The following WASF3 variants were observed in gnomAD, a reference collection of about 807,000 sequenced individuals.
The protein encoded by WASF3 is WASP family member 3.
In WASF3, 11 loss-of-function variants were observed where a neutral mutation model predicts 46.6. That is an observed-to-expected ratio of 0.24 (90% CI 0.15 to 0.39). WASF3 has a LOEUF of 0.39. Ranked by LOEUF, WASF3 falls within the 10% of genes least tolerant of loss-of-function variation. WASF3 has a pLI of 1.00. For synonymous variants in WASF3, 242 were observed against 259.7 expected (o/e 0.93, Z 0.65); for missense variants, 576 against 669.8 (o/e 0.86, Z 1.55).
At chr13:26,663,604 GA>G (rs1273869040) in intron 3 of WASF3, among the ~76,000 whole-genome samples, 4 of 152,104 alleles carry the variant, frequency 2.6e-5, no homozygotes, top group Admixed American at 2.0e-4. Context: ...CATGTTTATT[GA>G]TTTATTCTTA....
chr13:26,603,512 G>A (rs1173313180), intron 1 of WASF3, among the ~76,000 whole-genome samples: 2 of 152,106 alleles, frequency 1.3e-5, no homozygotes, highest in Non-Finnish European at 2.9e-5. Context: ...AGGATATAAA[G>A]CAACTTTAAG....
intron 1 of WASF3, among the ~76,000 whole-genome samples, chr13:26,601,480 A>G (rs924172630): frequency 1.3e-4 from 20 of 152,102 alleles, no homozygotes; most frequent in Non-Finnish European, 1.5e-5. Context: ...TGGAGTATGG[A>G]TGATGGGGGA....
At chr13:26,546,340 G>A in the WASF3 span, among the ~76,000 whole-genome samples, 228 of 152,022 alleles carry the variant, frequency 1.5e-3, 2 homozygotes, top group East Asian at 0.035. Context: ...CTGCTCTTCT[G>A]TCTTTTCAAA....
At chr13:26,547,124 G>A in the WASF3 span, among the ~76,000 whole-genome samples, 1 of 151,852 alleles carries the variant, frequency 6.6e-6, no homozygotes, top group Admixed American at 6.6e-5. Flanking sequence ...TGAGTTGGCA[G>A]CTAGGAAGCT....
intron 1 of WASF3, among the ~76,000 whole-genome samples, chr13:26,611,517 A>G (rs589514): frequency 0.95 from 145,143 of 152,258 alleles, 69,581 homozygotes; most frequent in East Asian, 1. Flanking sequence ...GTCCTTAGGC[A>G]TAGTTAGCTG....
chr13:26,659,473 C>T (rs1882561671), intron 3 of WASF3, among the ~76,000 whole-genome samples: 2 of 152,034 alleles, frequency 1.3e-5, no homozygotes, highest in Non-Finnish European at 2.9e-5. Flanking sequence ...ATTGGCAAGG[C>T]ATGGAATGGA....
chr13:26,633,393 G>A (rs1384992234), intron 2 of WASF3, among the ~76,000 whole-genome samples: 1 of 151,684 alleles, frequency 6.6e-6, no homozygotes, highest in Admixed American at 6.6e-5. Flanking sequence ...TAGTAGAGGT[G>A]GGGTTTCTCC....
chr13:26,618,824 T>C (rs1426466786), intron 2 of WASF3: 1 of 152,218 alleles, frequency 6.6e-6, no homozygotes, highest in Non-Finnish European at 1.5e-5. Flanking sequence ...CAAAGGACAA[T>C]TTGATGGTTG....
At chr13:26,623,650 G>C (rs1163525316) in intron 2 of WASF3, among the ~76,000 whole-genome samples, 1 of 152,168 alleles carries the variant, frequency 6.6e-6, no homozygotes, top group African/African-American at 2.4e-5. Flanking sequence ...TTGGAGAAGA[G>C]ATGCACAGAT....
intron 2 of WASF3, among the ~76,000 whole-genome samples, chr13:26,633,988 T>G (rs1221796860): frequency 2.6e-5 from 4 of 152,214 alleles, no homozygotes; most frequent in Non-Finnish European, 4.4e-5. Flanking sequence ...TGGAGAGTTC[T>G]GTAGATGTCT....
At chr13:26,628,937 T>A (rs1881563859) in intron 2 of WASF3, among the ~76,000 whole-genome samples, 1 of 152,216 alleles carries the variant, frequency 6.6e-6, no homozygotes, top group Non-Finnish European at 1.5e-5. Flanking sequence ...TGTACTGTGT[T>A]GTGGAGTATG....
chr13:26,648,366 C>T (rs1882212457), intron 3 of WASF3, among the ~76,000 whole-genome samples: 1 of 152,148 alleles, frequency 6.6e-6, no homozygotes, highest in Admixed American at 6.5e-5. Flanking sequence ...CTCCTTAAGA[C>T]ACACATTGTG....
At chr13:26,622,085 A>G (rs564288759) in intron 2 of WASF3, among the ~76,000 whole-genome samples, 1 of 152,310 alleles carries the variant, frequency 6.6e-6, no homozygotes, top group East Asian at 1.9e-4. Context: ...TCTGCAGTAT[A>G]CACACATTTA....
intron 4 of WASF3, 135 bp downstream of exon 4, chr13:26,665,297 AG>A: frequency 9.0e-7 from 1 of 1,106,396 alleles, no homozygotes; most frequent in East Asian, 2.6e-5. Context: ...AAGAATAGCG[AG>A]GGGGAAAAAC....
chr13:26,633,284 C>A (rs1292728676), intron 2 of WASF3, among the ~76,000 whole-genome samples: 1 of 144,626 alleles, frequency 6.9e-6, no homozygotes, highest in Non-Finnish European at 1.5e-5. Flanking sequence ...CTCATCACAA[C>A]CTCTGCCTCC....
At chr13:26,595,242 C>T (rs145630008) in intron 1 of WASF3, among the ~76,000 whole-genome samples, 1 of 152,330 alleles carries the variant, frequency 6.6e-6, no homozygotes, top group Non-Finnish European at 1.5e-5. Context: ...TGTTTCCATT[C>T]AGTCTGAAGA....
Position 26,679,970 on chromosome 13 carries a change from G to T in WASF3, c.717-1084G>T. ...GCTACCAACTGGAATCCCAAAGATG[G>T]AAATGCAGCGTGCATCTTCCCTGCT... is the stretch of plus-strand genomic sequence containing the variant. On this transcript the variant is annotated intron_variant, in intron 7 of 9. Transcript: ENST00000335327. The surrounding 1 kb of genome is among the most constrained non-coding windows in gnomAD (Gnocchi z 4.8). 6.5e-7 allele frequency: 1 copy of T among 1,543,998 alleles called. No homozygotes were observed. The highest frequency in any genetic ancestry group is 8.7e-7 in the Non-Finnish European group (1 of 1,151,200).
Position 26,682,882 on chromosome 13 carries a change from A to G in WASF3, c.1259A>G (p.His420Arg), listed in dbSNP as rs1883283077. ...TCTTCTCTTTCGTCCTCCCCAATGC[A>G]TGGCCCCCCAGTAGCTGAGGCGAAG... ...PGSSLSSSPMHGPPVAEAKRQ... is the reference protein window; with the variant it reads ...PGSSLSSSPMRGPPVAEAKRQ... Residue 420 changes from histidine to arginine, a missense_variant, in exon 9 of 10, where the codon CAT becomes CGT. His to Arg is a conservative substitution (Grantham distance 29, BLOSUM62 0). Coordinates refer to ENST00000335327, the MANE Select transcript of WASF3 (RefSeq NM_006646.6). The surrounding 1 kb of genome is among the most constrained non-coding windows in gnomAD (Gnocchi z 4.4). 19 of 1,609,200 alleles carry G rather than the reference A, an allele frequency of 1.2e-5. No individual in the cohort carries two copies. Among genetic ancestry groups the G allele is most frequent in the Non-Finnish European group, 1.4e-5 (17 of 1,179,386 alleles).
chr13:26,680,070 G>A (rs760195478), intron 7 of WASF3: 1 of 1,597,682 alleles, frequency 6.3e-7, no homozygotes, highest in Non-Finnish European at 8.5e-7. Flanking sequence ...ACAGAAACCA[G>A]CAAGTAAATG....
Sources: allele counts gnomAD v4.1 joint callset (sites outside exome capture counted in the v4.1 genomes callset), GRCh38; gene constraint gnomAD v4.1.1; non-coding constraint Gnocchi (gnomAD v3.1); transcripts MANE v1.5; gene names NCBI Gene and HGNC (gene_info 2026-07-23, HGNC 2026-07-21).